Variants in RASA1 observed in about 807,000 individuals in gnomAD.
The protein encoded by RASA1 is RAS p21 protein activator 1.
In RASA1, 25 loss-of-function variants were observed where a neutral mutation model predicts 132.2. That is an observed-to-expected ratio of 0.19 (90% confidence interval 0.14 to 0.26). The LOEUF is 0.26. Among genes scored for constraint, RASA1 ranks in the 10% least tolerant of loss-of-function variants. The pLI is 1.00. For synonymous variants in RASA1, 477 were observed against 449.9 expected (o/e 1.06, Z -0.76); for missense variants, 964 against 1,299.2 (o/e 0.74, Z 3.97).
chr5:87,329,118 CATT>C (rs1561285066), intron 1 of RASA1, among the ~76,000 whole-genome samples: 1 of 150,158 alleles, frequency 6.7e-6, no homozygotes, highest in African/African-American at 2.4e-5. Context: ...CTGACTTATC[CATT>C]TTAATGCTCA....
chr5:87,308,835 T>C (rs983906979), intron 1 of RASA1, among the ~76,000 whole-genome samples: 1 of 152,192 alleles, frequency 6.6e-6, no homozygotes, highest in Non-Finnish European at 1.5e-5. Flanking sequence ...TACAGGTTGG[T>C]AGCCTAGAAA....
intron 1 of RASA1, among the ~76,000 whole-genome samples, chr5:87,271,243 CA>C (rs1753817194): frequency 6.6e-6 from 1 of 151,550 alleles, no homozygotes; most frequent in African/African-American, 2.4e-5. Flanking sequence ...CGTCTCAAAA[CA>C]AACAAACAAA....
chr5:87,273,049 C>G (rs1580184746), intron 1 of RASA1, among the ~76,000 whole-genome samples: 1 of 152,292 alleles, frequency 6.6e-6, no homozygotes, highest in African/African-American at 2.4e-5. Flanking sequence ...TGGCTTGTTA[C>G]TCGAGTGTTC....
At position 87,267,956 on chromosome 5, in the gene RASA1, C is replaced by G. The variant is rs1019425644; in HGVS notation, c.-496C>G. 2.5e-6 allele frequency: 1 copy of G among 393,582 alleles called. No individual in the cohort carries two copies. The highest frequency in any genetic ancestry group is 2.1e-5 in the African/African-American group (1 of 47,224). 24.4% of individuals were successfully genotyped at this position (393,582 alleles called of 1,614,324 possible). A position where few individuals can be genotyped will look rare whatever the true frequency, so the allele number is the denominator to read the frequency against. On this transcript the variant is annotated 5_prime_UTR_variant, in exon 1 of 25. Coordinates refer to ENST00000274376, the MANE Select transcript of RASA1 (RefSeq NM_002890.3). ...ACCCCGCCCCCCTTTCTCTTGCCCC[C>G]CCACCCCTCTCATCTGCCTGGTGGA...
chr5:87,327,070 G>C (rs1369441079), intron 1 of RASA1, among the ~76,000 whole-genome samples: 1 of 152,122 alleles, frequency 6.6e-6, no homozygotes, highest in Non-Finnish European at 1.5e-5. Context: ...TGTGATACTG[G>C]TTTGATATTA....
chr5:87,357,508 A>G (rs1580343721), intron 9 of RASA1, among the ~76,000 whole-genome samples: 1 of 152,304 alleles, frequency 6.6e-6, no homozygotes, highest in African/African-American at 2.4e-5. Context: ...GATCAAGACC[A>G]TCCTGGCTAA....
intron 23 of RASA1, among the ~76,000 whole-genome samples, chr5:87,388,880 T>C (rs1210362392): frequency 6.6e-6 from 1 of 152,148 alleles, no homozygotes; most frequent in East Asian, 1.9e-4. Context: ...TGGCATATGT[T>C]CTAGATTTTT....
chr5:87,383,702 C>T lies in RASA1; in HGVS notation c.2691-11C>T, dbSNP rs149730288. 2,894 of 1,600,688 alleles carry T rather than the reference C, an allele frequency of 1.8e-3. 24 individuals are homozygous for T. The highest frequency in any genetic ancestry group is 0.014 in the East Asian group (635 of 44,550). On this transcript the variant is annotated splice_polypyrimidine_tract_variant and intron_variant, in intron 20 of 24. Transcript: ENST00000274376. ...CTAAAAAAAAAAAAAAAAAATTTCC[C>T]TCCCATTCAGTGGTTTTGTTTTTCT...
chr5:87,380,387 T>C (rs1425425062), intron 19 of RASA1, 122 bp from the exon 20 acceptor site: 3 of 899,664 alleles, frequency 3.3e-6, no homozygotes, highest in Non-Finnish European at 5.5e-6. Flanking sequence ...CAAAATACTT[T>C]TTTGGGTAAA....
chr5:87,378,573 A>G (rs774071375), intron 18 of RASA1, 35 bp downstream of exon 18: 8 of 1,561,796 alleles, frequency 5.1e-6, no homozygotes, highest in Non-Finnish European at 7.0e-6. Context: ...TATTTTTGCA[A>G]AGAACATATT....
intron 9 of RASA1, among the ~76,000 whole-genome samples, chr5:87,358,093 A>G (rs1759790232): frequency 1.3e-5 from 2 of 152,210 alleles, no homozygotes; most frequent in South Asian, 2.1e-4. Context: ...CAAATTGATT[A>G]GTTAGCAAAT....
intron 1 of RASA1, among the ~76,000 whole-genome samples, chr5:87,307,948 T>G (rs1755697085): frequency 1.3e-5 from 2 of 152,214 alleles, no homozygotes; most frequent in Non-Finnish European, 1.5e-5. Context: ...GCAGATAGAA[T>G]GCAGTTAGAT....
rs547877026 is a variant in RASA1, at chr5:87,309,488, G to A, written c.540-21860G>A. ...ACAGTGTGTTTGTGTACTTCTGAAT[G>A]TTTAAACTGCCTTGCTCTTTTAAGT... On this transcript the variant is annotated intron_variant, in intron 1 of 24. Transcript: ENST00000274376. Among the ~76,000 whole-genome samples, 239 of 152,168 alleles carry A rather than the reference G, an allele frequency of 1.6e-3. 1 individual carries two copies. The highest frequency in any genetic ancestry group is 6.8e-3 in the Middle Eastern group (2 of 294).
chr5:87,348,091 G>T (rs972904541), intron 7 of RASA1, among the ~76,000 whole-genome samples: 2 of 151,926 alleles, frequency 1.3e-5, no homozygotes, highest in Non-Finnish European at 2.9e-5. Flanking sequence ...GAGTATCTTG[G>T]ATTCTTGTCA....
At chr5:87,284,928 G>A (rs1014704387) in intron 1 of RASA1, among the ~76,000 whole-genome samples, 4 of 151,888 alleles carry the variant, frequency 2.6e-5, no homozygotes, top group Non-Finnish European at 5.9e-5. Flanking sequence ...TTTTTGTTTT[G>A]ACATTGTTTT....
intron 5 of RASA1, among the ~76,000 whole-genome samples, chr5:87,340,275 A>C (rs1179790536): frequency 6.6e-6 from 1 of 152,038 alleles, no homozygotes; most frequent in East Asian, 1.9e-4. Context: ...CTTAGGCAAA[A>C]TTGTTTCCTT....
At chr5:87,325,974 C>T (rs1757202403) in intron 1 of RASA1, among the ~76,000 whole-genome samples, 1 of 152,062 alleles carries the variant, frequency 6.6e-6, no homozygotes, top group East Asian at 1.9e-4. Flanking sequence ...CCCCCACCCC[C>T]TTTTTTATTT....
intron 1 of RASA1, among the ~76,000 whole-genome samples, chr5:87,302,387 TC>T (rs1464641018): frequency 6.6e-6 from 1 of 151,992 alleles, no homozygotes; most frequent in East Asian, 1.9e-4. Flanking sequence ...AAGTCTTCTG[TC>T]CAGTTTTCTA....
chr5:87,269,261 A>C (rs1268605005), intron 1 of RASA1: 1 of 1,538,720 alleles, frequency 6.5e-7, no homozygotes, highest in Non-Finnish European at 8.7e-7. Flanking sequence ...TGAGAACCGG[A>C]TATAGTTCTG....
Sources: allele counts gnomAD v4.1 joint callset (sites outside exome capture counted in the v4.1 genomes callset), GRCh38; gene constraint gnomAD v4.1.1; transcripts MANE v1.5; gene names NCBI Gene and HGNC (gene_info 2026-07-23, HGNC 2026-07-21).